DACH2: variants seen among roughly 807,000 people sequenced by gnomAD.
DACH2 encodes dachshund homolog 2.
Under a neutral mutation model 35.8 loss-of-function variants are expected in DACH2, and 17 were observed. That is an observed-to-expected ratio of 0.48 (90% CI 0.33 to 0.71). DACH2 has a LOEUF of 0.71. Among genes scored for constraint, DACH2 ranks in the 30% least tolerant of loss-of-function variants. The pLI is 0.02. For synonymous variants in DACH2, 195 were observed against 177.3 expected (o/e 1.10, Z -0.79); for missense variants, 469 against 472.7 (o/e 0.99, Z 0.07).
intron 3 of DACH2, among the ~76,000 whole-genome samples, chrX:86,646,505 G>A (rs1399583765): frequency 9.1e-6 from 1 of 109,671 alleles, no homozygotes; most frequent in Non-Finnish European, 1.9e-5. Flanking sequence ...AGAAAACATA[G>A]GGAAAAAATT....
At chrX:86,177,863 G>A (rs986699380) in intron 1 of DACH2, among the ~76,000 whole-genome samples, 3 of 110,983 alleles carry the variant, frequency 2.7e-5, no homozygotes, top group African/African-American at 9.8e-5. Flanking sequence ...GCATTGAAAA[G>A]CGATATATGT....
In DACH2 at chrX:86,429,114, G is replaced by T. The variant is rs190388257; in HGVS notation, c.527+52252G>T. Among the ~76,000 whole-genome samples the T allele has an allele frequency of 3.6e-5, 4 of 110,913 alleles. No homozygotes were observed. The East Asian group carries it at 1.1e-3, about 32-fold the overall frequency. ...GCATATACTGTACAGGTTGTTGAGT[G>T]TATAAAGGGCAGCTTAGGTATTCTC... On this transcript the variant is annotated intron_variant, in intron 2 of 11. Transcript: ENST00000373125.
chrX:86,156,490 A>G (rs2030551015), intron 1 of DACH2, among the ~76,000 whole-genome samples: 1 of 111,692 alleles, frequency 9.0e-6, no homozygotes, highest in Non-Finnish European at 1.9e-5. Flanking sequence ...CCAATATAAA[A>G]CAATTTGTAA....
chrX:86,689,573 T>C (rs752254393), intron 4 of DACH2, among the ~76,000 whole-genome samples: 3 of 112,132 alleles, frequency 2.7e-5, no homozygotes, highest in South Asian at 3.7e-4. Flanking sequence ...ACAAATATTC[T>C]ATGGCTGAGA....
At chrX:86,598,828 C>T (rs1239279027) in intron 3 of DACH2, among the ~76,000 whole-genome samples, 3 of 105,930 alleles carry the variant, frequency 2.8e-5, no homozygotes, top group African/African-American at 3.5e-5. Context: ...TTATAATTTA[C>T]GTTCTAGGGT....
At chrX:86,473,148 T>G (rs1041187865) in intron 2 of DACH2, among the ~76,000 whole-genome samples, 1 of 111,727 alleles carries the variant, frequency 9.0e-6, no homozygotes, top group African/African-American at 3.2e-5. Context: ...GCGTTTATCC[T>G]TTGTGTTAAA....
At chrX:86,556,791 TATATAGAGAGAGAGAGAGAG>T (rs2039132552) in intron 3 of DACH2, among the ~76,000 whole-genome samples, 1 of 35,695 alleles carries the variant, frequency 2.8e-5, no homozygotes, top group Non-Finnish European at 4.7e-5. Context: ...TATATATATA[TATATAGAGAGAGAGAGAGAG>T]AGAGAGAGAG....
chrX:86,256,185 A>T (rs983054370), intron 1 of DACH2, among the ~76,000 whole-genome samples: 1 of 111,693 alleles, frequency 9.0e-6, no homozygotes, highest in Non-Finnish European at 1.9e-5. Context: ...TTAGGGAAAC[A>T]TATAGAACAT....
chrX:86,760,033 A>G (rs1425453739), intron 7 of DACH2, among the ~76,000 whole-genome samples: 1 of 111,803 alleles, frequency 8.9e-6, no homozygotes, highest in African/African-American at 3.2e-5. Flanking sequence ...TGAGTATATC[A>G]TTTCATTTAA....
At chrX:86,285,875 G>C (rs2034133860) in intron 1 of DACH2, among the ~76,000 whole-genome samples, 1 of 110,689 alleles carries the variant, frequency 9.0e-6, no homozygotes, top group Non-Finnish European at 1.9e-5. Context: ...TATTTAAATT[G>C]TATTTTCTTG....
intron 1 of DACH2, among the ~76,000 whole-genome samples, chrX:86,187,818 T>C (rs1338484844): frequency 9.0e-6 from 1 of 111,594 alleles, no homozygotes; most frequent in Non-Finnish European, 1.9e-5. Context: ...AGTCTGAGAT[T>C]CCACTATAAG....
intron 1 of DACH2, among the ~76,000 whole-genome samples, chrX:86,282,406 G>C (rs961632734): frequency 9.0e-6 from 1 of 111,720 alleles, no homozygotes; most frequent in Non-Finnish European, 1.9e-5. Flanking sequence ...ATGGGGAAAG[G>C]ATTCTCTATT....
chrX:86,438,319 G>A (rs1267926450), intron 2 of DACH2, among the ~76,000 whole-genome samples: 1 of 107,355 alleles, frequency 9.3e-6, no homozygotes, highest in African/African-American at 3.4e-5. Flanking sequence ...CGCCTCCAGG[G>A]TTCAAGTGAT....
intron 1 of DACH2, among the ~76,000 whole-genome samples, chrX:86,163,570 G>A (rs1602245345): frequency 9.0e-6 from 1 of 110,796 alleles, no homozygotes; most frequent in Non-Finnish European, 1.9e-5. Flanking sequence ...AATCTTTTCT[G>A]CTTCTCTTTC....
chrX:86,255,809 T>C (rs763515797), intron 1 of DACH2, among the ~76,000 whole-genome samples: 1 of 112,182 alleles, frequency 8.9e-6, no homozygotes, highest in East Asian at 2.8e-4. Flanking sequence ...AAGTTCTATA[T>C]AAATCATGAA....
intron 1 of DACH2, among the ~76,000 whole-genome samples, chrX:86,366,273 G>A (rs890124304): frequency 9.0e-6 from 1 of 110,798 alleles, no homozygotes; most frequent in Non-Finnish European, 1.9e-5. Flanking sequence ...TGTACATATA[G>A]TTAATGTCCA....
chrX:86,742,918 C>T (rs1204582925), intron 7 of DACH2, among the ~76,000 whole-genome samples: 1 of 111,131 alleles, frequency 9.0e-6, no homozygotes, highest in East Asian at 2.8e-4. Context: ...TTATAAATTA[C>T]ATATCCGCCT....
At chrX:86,475,459 G>A (rs1355347359) in intron 2 of DACH2, among the ~76,000 whole-genome samples, 1 of 111,264 alleles carries the variant, frequency 9.0e-6, no homozygotes, top group Non-Finnish European at 1.9e-5. Flanking sequence ...TTGTAAACAG[G>A]ATTACTTTTT....
intron 2 of DACH2, among the ~76,000 whole-genome samples, chrX:86,513,463 CCTAACT>C (rs201422116): frequency 0.065 from 7,170 of 111,062 alleles, 596 homozygotes; most frequent in African/African-American, 0.22. Flanking sequence ...TTTTCAGTAC[CCTAACT>C]CTATTACGGT....
Sources: gnomAD v4.1 joint callset for allele counts (sites outside exome capture counted in the v4.1 genomes callset) on GRCh38, gnomAD v4.1.1 for gene constraint, MANE v1.5 for transcripts, NCBI Gene and HGNC (gene_info 2026-07-23, HGNC 2026-07-21) for gene names.